The following EIF4B variants were observed in gnomAD, a reference collection of about 807,000 sequenced individuals.
EIF4B encodes eukaryotic translation initiation factor 4B.
Under a neutral mutation model 79.3 loss-of-function variants are expected in EIF4B, and 8 were observed. That is an observed-to-expected ratio of 0.10 (90% CI 0.06 to 0.18). The LOEUF (loss-of-function observed/expected upper bound fraction) is 0.18. Ranked by LOEUF, EIF4B falls within the 10% of genes least tolerant of loss-of-function variation. The pLI is 1.00. For missense variants in EIF4B, 515 were observed against 792.4 expected, an observed-to-expected ratio of 0.65 and a Z score of 4.20; for synonymous variants, 238 against 274.7, an observed-to-expected ratio of 0.87 and a Z score of 1.32.
In EIF4B at chr12:53,018,719, A is replaced by G. The variant is rs1029263172; in HGVS notation, c.152-79A>G. ...TGTATAGCATGTTTAATATTTGGCA[A>G]TTAACATGGGTCCTCTTGTTCTATG... On this transcript the variant is annotated intron_variant, in intron 2 of 14. Coordinates refer to ENST00000262056, the MANE Select transcript of EIF4B (RefSeq NM_001417.7). The G allele has an allele frequency of 9.7e-6, 15 of 1,542,720 alleles. No homozygotes were observed. In the Admixed American group the frequency reaches 1.1e-4, roughly 11 times the overall value.
intron 1 of EIF4B, among the ~76,000 whole-genome samples, chr12:53,008,860 C>T (rs1178658553): frequency 6.6e-6 from 1 of 152,018 alleles, no homozygotes; most frequent in Non-Finnish European, 1.5e-5. Context: ...CATGGTGAAA[C>T]TCTGTCTCTA....
intron 14 of EIF4B, 146 bp from the exon 15 acceptor site, chr12:53,039,997 C>T: frequency 1.1e-6 from 1 of 889,740 alleles, no homozygotes. Context: ...TCCCTAGCTC[C>T]TCTCCAATGG....
rs1592219054 is a variant in EIF4B, at chr12:53,020,991, A to G, written c.478-815A>G. On this transcript the variant is annotated intron_variant, in intron 4 of 14. Transcript: ENST00000262056. ...TAATATATTGTTGTGGTCCATAGTTAAGAGTTACTTTGTTACTAGAGATTT... is the reference window on the plus strand; with the variant it reads ...TAATATATTGTTGTGGTCCATAGTTGAGAGTTACTTTGTTACTAGAGATTT... Among the ~76,000 whole-genome samples, 6 of 152,318 alleles carry G rather than the reference A, an allele frequency of 3.9e-5. No individual in the cohort carries two copies. The East Asian group carries it at 1.2e-3, about 29-fold the overall frequency.
rs1024192685 is a variant in EIF4B at position 53,040,878 on chromosome 12, A to AAAT, written c.*656_*658dup. Reference sequence around the variant, plus strand: ...CTGCATTGGACCAAAATAAATGGGAAAATCGTGGTTTGAAAAGAAGCTTTT... The same window carrying AAAT: ...CTGCATTGGACCAAAATAAATGGGAAAATAATCGTGGTTTGAAAAGAAGCTTTT... On this transcript the variant is annotated 3_prime_UTR_variant, in exon 15 of 15. Coordinates refer to ENST00000262056, the MANE Select transcript of EIF4B (RefSeq NM_001417.7). 1.3e-5 allele frequency: 2 copies of AAAT among 152,034 alleles called. No individual in the cohort carries two copies. 9.4% of individuals were successfully genotyped at this position (152,034 alleles called of 1,614,324 possible).
chr12:53,027,998 T>G lies in EIF4B; in HGVS notation c.806-17T>G. The G allele has an allele frequency of 6.2e-7, 1 of 1,608,172 alleles. No individual in the cohort carries two copies. Among genetic ancestry groups the G allele is most frequent in the Non-Finnish European group, 8.5e-7 (1 of 1,175,800 alleles). On this transcript the variant is annotated splice_polypyrimidine_tract_variant and intron_variant, in intron 7 of 14. Coordinates refer to ENST00000262056, the MANE Select transcript of EIF4B (RefSeq NM_001417.7). ...CCCCCTCCGCTGTGATGATTATAAT[T>G]TGGGATATATTTACAGGCTATGATT...
chr12:53,027,136 A>ATTTTTTTTTT lies in EIF4B; in HGVS notation c.668-646_668-645insTTTTTTTTTT, dbSNP rs777111413. Among the ~76,000 whole-genome samples, 11 of 29,492 alleles carry ATTTTTTTTTT rather than the reference A, an allele frequency of 3.7e-4. 3 individuals are homozygous for ATTTTTTTTTT. Among genetic ancestry groups the ATTTTTTTTTT allele is most frequent in the East Asian group, 1.7e-3 (1 of 604 alleles). 19.3% of individuals were successfully genotyped at this position (29,492 alleles called of 152,430 possible). A position where few individuals can be genotyped will look rare whatever the true frequency, so the allele number is the denominator to read the frequency against. The stretch of plus-strand genomic sequence containing the variant: ...GAGACTGTCTCTCAAAAAAAAAAAA[A>ATTTTTTTTTT]ATTTTTTTTTTTTTTTTTTTTGAGA... On this transcript the variant is annotated intron_variant, in intron 6 of 14. Coordinates refer to ENST00000262056, the MANE Select transcript of EIF4B (RefSeq NM_001417.7).
rs59856997 is a variant in EIF4B, at chr12:53,027,962, C to CT, written c.806-43dup. Reference sequence around the variant, plus strand: ...CGAATTGCTCTTTCAGTAACTTTGCCTTTTTTTTTTCCCCCTCCGCTGTGA... The same window carrying CT: ...CGAATTGCTCTTTCAGTAACTTTGCCTTTTTTTTTTTCCCCCTCCGCTGTGA... On this transcript the variant is annotated intron_variant, in intron 7 of 14. Coordinates refer to ENST00000262056, the MANE Select transcript of EIF4B (RefSeq NM_001417.7). 4.0e-4 allele frequency: 633 copies of CT among 1,583,728 alleles called. No individual in the cohort carries two copies. In the African/African-American group the frequency reaches 7.3e-3, roughly 18 times the overall value.
At position 53,027,116 on chromosome 12, in the gene EIF4B, T is replaced by C. The variant is rs548500089; in HGVS notation, c.668-666T>C. ...ACCAGCCTGGGCAGCAGAGAGAGAC[T>C]GTCTCTCAAAAAAAAAAAAAATTTT... On this transcript the variant is annotated intron_variant, in intron 6 of 14. Transcript: ENST00000262056. Among the ~76,000 whole-genome samples the C allele has an allele frequency of 5.8e-5, 4 of 68,614 alleles. No homozygotes were observed. The Admixed American group carries it at 8.0e-4, about 14-fold the overall frequency. The allele number at this position is 68,614 out of a possible 152,430, so 45.0% of individuals were successfully genotyped here. A position where few individuals can be genotyped will look rare whatever the true frequency, so the allele number is the denominator to read the frequency against.
intron 11 of EIF4B, 120 bp downstream of exon 11, chr12:53,037,742 T>G (rs1390613323): frequency 5.5e-6 from 6 of 1,085,750 alleles, no homozygotes; most frequent in Non-Finnish European, 7.9e-6. Context: ...TATGCTGGCT[T>G]TAGTCTCTTA....
At chr12:53,027,136 A>ATTTTTTTTTTTTTTT (rs777111413) in intron 6 of EIF4B, among the ~76,000 whole-genome samples, 398 of 29,160 alleles carry the variant, frequency 0.014, 32 homozygotes, top group African/African-American at 0.018. Context: ...AAAAAAAAAA[A>ATTTTTTTTTTTTTTT]ATTTTTTTTT....
At chr12:53,017,367 C>T (rs1182097275) in intron 2 of EIF4B, among the ~76,000 whole-genome samples, 1 of 151,564 alleles carries the variant, frequency 6.6e-6, no homozygotes, top group Non-Finnish European at 1.5e-5. Context: ...CTTGGGTAAA[C>T]GAAAATGGTC....
Position 53,039,615 on chromosome 12 carries a change from C to CT in EIF4B, c.1683-13dup, listed in dbSNP as rs1281960903. 1 of 1,613,334 alleles carries CT rather than the reference C, an allele frequency of 6.2e-7. No homozygotes were observed. The highest frequency in any genetic ancestry group is 1.3e-5 in the African/African-American group (1 of 74,888). ...CCTTTCCTAAAGACATGGTTTTATG[C>CT]TTACGTCTCTGCAGGAAAGATGGCA... is the stretch of plus-strand genomic sequence containing the variant. On this transcript the variant is annotated splice_polypyrimidine_tract_variant and intron_variant, in intron 13 of 14. Coordinates refer to ENST00000262056, the MANE Select transcript of EIF4B (RefSeq NM_001417.7).
At chr12:53,009,021 C>T (rs1943017558) in intron 1 of EIF4B, among the ~76,000 whole-genome samples, 1 of 152,058 alleles carries the variant, frequency 6.6e-6, no homozygotes, top group Non-Finnish European at 1.5e-5. Context: ...GGCAAAAGAG[C>T]AAGACTCCAT....
intron 1 of EIF4B, among the ~76,000 whole-genome samples, chr12:53,007,031 C>CA (rs1390792068): frequency 3.3e-5 from 5 of 152,090 alleles, no homozygotes; most frequent in African/African-American, 9.7e-5. Flanking sequence ...CGGTAGGAGA[C>CA]ACGAGGGTAG....
At chr12:53,029,926 T>TA (rs1211504062) in intron 8 of EIF4B, among the ~76,000 whole-genome samples, 181 of 53,026 alleles carry the variant, frequency 3.4e-3, no homozygotes, top group Non-Finnish European at 0.012. Context: ...TTTGTTTTTT[T>TA]TAAAAAAAAC....
intron 6 of EIF4B, chr12:53,025,265 C>A (rs1439398072): frequency 8.8e-6 from 4 of 455,412 alleles, no homozygotes; most frequent in African/African-American, 8.0e-5. Flanking sequence ...GACAATCAGA[C>A]CAAGGGTCCT....
intron 3 of EIF4B, 148 bp downstream of exon 3, chr12:53,019,154 T>G (rs1943195911): frequency 1.0e-6 from 1 of 987,814 alleles, no homozygotes; most frequent in African/African-American, 1.6e-5. Context: ...ATCCCAGCAC[T>G]CTGGGAGTCT....
At chr12:53,019,085 C>A in intron 3 of EIF4B, 79 bp downstream of exon 3, 1 of 1,488,798 alleles carries the variant, frequency 6.7e-7, no homozygotes, top group Non-Finnish European at 9.2e-7. Context: ...TGGGCAGTTG[C>A]TGTTGAAAAA....
chr12:53,037,941 G>A (rs141454170), intron 11 of EIF4B: 32 of 348,960 alleles, frequency 9.2e-5, no homozygotes, highest in African/African-American at 6.4e-4. Context: ...TTTCTCTTAA[G>A]TCTTCTCATT....
Sources: gnomAD v4.1 joint callset for allele counts (sites outside exome capture counted in the v4.1 genomes callset) on GRCh38, gnomAD v4.1.1 for gene constraint, MANE v1.5 for transcripts, NCBI Gene and HGNC (gene_info 2026-07-23, HGNC 2026-07-21) for gene names.